Variants in TMTC1 observed in about 807,000 individuals in gnomAD.
TMTC1 encodes protein O-mannosyl-transferase TMTC1.
TMTC1 carries 73 observed loss-of-function variants against 104.8 expected under a neutral mutation model. The observed-to-expected ratio is 0.70, with a 90% CI of 0.58 to 0.85. TMTC1 has a LOEUF of 0.85. TMTC1 is among the 40% of genes least tolerant of loss of function. TMTC1 has a pLI of 0.00. For missense variants in TMTC1, 1,035 were observed against 1,096.1 expected (o/e 0.94, Z 0.79); for synonymous variants, 434 against 428.7 (o/e 1.01, Z -0.15).
chr12:29,584,182 G>C (rs1164962555), intron 7 of TMTC1, among the ~76,000 whole-genome samples: 3 of 152,158 alleles, frequency 2.0e-5, no homozygotes, highest in Admixed American at 6.5e-5. Flanking sequence ...GATATGCCTA[G>C]CTGTACCGGT....
At chr12:29,660,944 C>G in intron 5 of TMTC1, 1 of 1,041,768 alleles carries the variant, frequency 9.6e-7, no homozygotes, top group Non-Finnish European at 1.3e-6. Context: ...CAATGTTCTC[C>G]TTTCAAGGTG....
chr12:29,656,383 A>G (rs1419460480), intron 5 of TMTC1, among the ~76,000 whole-genome samples: 1 of 147,450 alleles, frequency 6.8e-6, no homozygotes, highest in Non-Finnish European at 1.5e-5. Flanking sequence ...TTTTAAAGAC[A>G]GAGTCTCGCT....
intron 7 of TMTC1, among the ~76,000 whole-genome samples, chr12:29,600,684 G>T (rs190846517): frequency 2.0e-5 from 3 of 152,248 alleles, no homozygotes; most frequent in Admixed American, 2.0e-4. Context: ...TGTAAACCTG[G>T]CTGAGTGACC....
chr12:29,643,993 T>C (rs1445024027), intron 5 of TMTC1, among the ~76,000 whole-genome samples: 2 of 71,676 alleles, frequency 2.8e-5, no homozygotes, highest in Non-Finnish European at 5.1e-5. Flanking sequence ...AAATATATAA[T>C]TTATATATAA....
At chr12:29,582,398 G>T (rs1484626807) in intron 8 of TMTC1, among the ~76,000 whole-genome samples, 1 of 152,206 alleles carries the variant, frequency 6.6e-6, no homozygotes, top group African/African-American at 2.4e-5. Flanking sequence ...AGGCTTCTTG[G>T]TCAGATCAGT....
intron 4 of TMTC1, among the ~76,000 whole-genome samples, chr12:29,753,744 A>G (rs1943146991): frequency 6.6e-6 from 1 of 152,214 alleles, no homozygotes; most frequent in Admixed American, 6.5e-5. Context: ...TGCGGGAAGG[A>G]ACCATATTTG....
chr12:29,510,882 C>T (rs1943814899), intron 17 of TMTC1, among the ~76,000 whole-genome samples: 1 of 152,194 alleles, frequency 6.6e-6, no homozygotes, highest in African/African-American at 2.4e-5. Flanking sequence ...TTGAAGGCTG[C>T]ATGATCTGAC....
chr12:29,708,448 T>C (rs1941811020), intron 5 of TMTC1, among the ~76,000 whole-genome samples: 1 of 152,150 alleles, frequency 6.6e-6, no homozygotes, highest in African/African-American at 2.4e-5. Context: ...ACTTCAGAGA[T>C]CATCCAAAAC....
intron 1 of TMTC1, among the ~76,000 whole-genome samples, chr12:29,781,713 TC>T (rs1281645007): frequency 2.0e-5 from 3 of 152,104 alleles, no homozygotes; most frequent in Non-Finnish European, 2.9e-5. Context: ...CAGTAGTAGT[TC>T]CAGCTACTTG....
At position 29,529,740 on chromosome 12, in the gene TMTC1, C is replaced by T. The variant is rs573716266; in HGVS notation, c.1785+6469G>A. 4 of 152,278 alleles carry T rather than the reference C, an allele frequency of 2.6e-5. No homozygotes were observed. In the South Asian group the frequency reaches 8.3e-4, roughly 32 times the overall value. 9.4% of individuals were successfully genotyped at this position (152,278 alleles called of 1,614,324 possible). ...CATCAGTATGAGCATTTATGAGAAA[C>T]ATGCTATCAATATTTGATGTCTAAT... On this transcript the variant is annotated intron_variant, in intron 11 of 17. Transcript: ENST00000539277.
intron 4 of TMTC1, among the ~76,000 whole-genome samples, chr12:29,752,679 C>T (rs1386863415): frequency 1.3e-5 from 2 of 151,362 alleles, no homozygotes; most frequent in Non-Finnish European, 2.9e-5. Flanking sequence ...TGAAATACAG[C>T]TACATATATC....
intron 1 of TMTC1, among the ~76,000 whole-genome samples, chr12:29,778,891 C>CCAGCAGGG (rs775645211): frequency 2.0e-5 from 3 of 152,154 alleles, no homozygotes; most frequent in Non-Finnish European, 4.4e-5. Flanking sequence ...AAGTTGAAAG[C>CCAGCAGGG]CAGCAGGGCA....
chr12:29,653,355 C>A (rs375969073), intron 5 of TMTC1, among the ~76,000 whole-genome samples: 1 of 151,664 alleles, frequency 6.6e-6, no homozygotes, highest in Non-Finnish European at 1.5e-5. Context: ...TGAATTCCGG[C>A]GAATAATAAG....
chr12:29,506,694 G>A lies in TMTC1; in HGVS notation c.*152C>T. The A allele has an allele frequency of 1.1e-6, 1 of 927,724 alleles. No individual in the cohort carries two copies. The highest frequency in any genetic ancestry group is 1.7e-6 in the Non-Finnish European group (1 of 603,138). 57.5% of individuals were successfully genotyped at this position (927,724 alleles called of 1,614,324 possible). On this transcript the variant is annotated 3_prime_UTR_variant, in exon 18 of 18. Coordinates refer to ENST00000539277, the MANE Select transcript of TMTC1 (RefSeq NM_001193451.2). ...GGAAAAGCAAGTCCTTCAGCACTGG[G>A]CTACCAGCAGATGTCCCAAAATGTG...
chr12:29,680,192 T>G (rs1381354243), intron 5 of TMTC1, among the ~76,000 whole-genome samples: 3 of 152,302 alleles, frequency 2.0e-5, no homozygotes, highest in Admixed American at 6.5e-5. Context: ...GCTCTGAATT[T>G]GAATAGAAAA....
At position 29,697,655 on chromosome 12, in the gene TMTC1, G is replaced by A. The variant is rs951163849; in HGVS notation, c.938+54011C>T. The stretch of plus-strand genomic sequence containing the variant: ...CCAGGGTTCTAGCCCAAGGACTGGC[G>A]GGCCAAAGACACAGGAGAGTCAATG... On this transcript the variant is annotated intron_variant, in intron 5 of 17. Coordinates refer to ENST00000539277, the MANE Select transcript of TMTC1 (RefSeq NM_001193451.2). 1.1e-4 allele frequency among the ~76,000 whole-genome samples: 17 copies of A among 152,144 alleles called. No individual in the cohort carries two copies. The South Asian group carries it at 1.2e-3, about 11-fold the overall frequency.
chr12:29,562,174 C>A lies in TMTC1; in HGVS notation c.1533-5174G>T, dbSNP rs138517691. On this transcript the variant is annotated intron_variant, in intron 9 of 17. Transcript: ENST00000539277. ...TGCTTGTTTAATTGTTTGAAATTGC[C>A]ATTAACACCTAGCAAATAAGTTTTA... is the stretch of plus-strand genomic sequence containing the variant. 9.2e-4 allele frequency among the ~76,000 whole-genome samples: 140 copies of A among 152,228 alleles called. 1 individual carries two copies. Among genetic ancestry groups the A allele is most frequent in the African/African-American group, 3.2e-3 (132 of 41,522 alleles).
intron 13 of TMTC1, 60 bp downstream of exon 13, chr12:29,518,412 G>C: frequency 6.3e-7 from 1 of 1,580,736 alleles, no homozygotes; most frequent in East Asian, 2.2e-5. Context: ...TAACTAAGAA[G>C]CTGATGAGTG....
chr12:29,783,769 T>C lies in TMTC1; in HGVS notation c.-18A>G, dbSNP rs1943895671. On this transcript the variant is annotated 5_prime_UTR_variant, in exon 1 of 18. Coordinates refer to ENST00000539277, the MANE Select transcript of TMTC1 (RefSeq NM_001193451.2). This position sits in a 1 kb window ranked among gnomAD's most constrained non-coding sequence, Gnocchi z 4.7. ...ACCACCATCGCGCCGCCGCCGCCGC[T>C]GCTGCCCTGGCCTCTCCCGGGCGTC... is the stretch of plus-strand genomic sequence containing the variant. The C allele has an allele frequency of 7.0e-6, 8 of 1,144,048 alleles. No homozygotes were observed. Among genetic ancestry groups the C allele is most frequent in the African/African-American group, 1.6e-5 (1 of 61,198 alleles). 70.9% of individuals were successfully genotyped at this position (1,144,048 alleles called of 1,614,324 possible). A position where few individuals can be genotyped will look rare whatever the true frequency, so the allele number is the denominator to read the frequency against.
Sources: gnomAD v4.1 joint callset for allele counts (sites outside exome capture counted in the v4.1 genomes callset) on GRCh38, gnomAD v4.1.1 for gene constraint, Gnocchi (gnomAD v3.1) non-coding constraint, MANE v1.5 for transcripts, NCBI Gene and HGNC (gene_info 2026-07-23, HGNC 2026-07-21) for gene names.